Variants in EMG1 observed in about 807,000 individuals in gnomAD.
The protein encoded by EMG1 is ribosomal RNA small subunit methyltransferase NEP1.
EMG1 carries 24 observed loss-of-function variants against 26.9 expected under a neutral mutation model. That is an observed-to-expected ratio of 0.89 (90% CI 0.65 to 1.26). The LOEUF (loss-of-function observed/expected upper bound fraction) is 1.26. EMG1 is among the 50% of genes most tolerant of loss of function. EMG1 has a pLI of 0.00. For missense variants in EMG1, 299 were observed against 307.6 expected (o/e 0.97, Z 0.21); for synonymous variants, 140 against 112.6 (o/e 1.24, Z -1.54).
At position 6,987,397 on chromosome 12, in the gene EMG1, C is replaced by G. The variant is rs1946539824; in HGVS notation, c.*155-385C>G. Among the ~76,000 whole-genome samples, 1 of 152,178 alleles carries G rather than the reference C, an allele frequency of 6.6e-6. No individual in the cohort carries two copies. On this transcript the variant is annotated intron_variant and NMD_transcript_variant, in intron 6 of 7. Coordinates refer to the EMG1 transcript ENST00000261406. The surrounding 1 kb of genome is among the most constrained non-coding windows in gnomAD (Gnocchi z 4.1). The stretch of plus-strand genomic sequence containing the variant: ...ACTAGCTCTAGGGAGGTGGAGACAT[C>G]TATGACCCTTTCAGGTAGATCAATG...
chr12:6,985,089 T>TAAAAAA (rs10559240), intron 6 of EMG1, among the ~76,000 whole-genome samples: 1 of 112,640 alleles, frequency 8.9e-6, no homozygotes, highest in African/African-American at 3.5e-5. Context: ...CCCCATACAT[T>TAAAAAA]AAAAAAAAAA....
In EMG1 at chr12:6,977,092, C is replaced by G. The variant is rs1555153299; in HGVS notation, c.*1283C>G. 2 of 1,228,950 alleles carry G rather than the reference C, an allele frequency of 1.6e-6. No individual in the cohort carries two copies. The highest frequency in any genetic ancestry group is 3.0e-5 in the African/African-American group (2 of 67,242). 76.1% of individuals were successfully genotyped at this position (1,228,950 alleles called of 1,614,324 possible). The stretch of plus-strand genomic sequence containing the variant: ...TTTTTTTCCAGTCTGTTGCTCTATT[C>G]TGTAACCTGGTGGTAGTTTTAGTTT... On this transcript the variant is annotated 3_prime_UTR_variant, in exon 6 of 6. Transcript: ENST00000599672. The surrounding 1 kb of genome is among the most constrained non-coding windows in gnomAD (Gnocchi z 4.5).
At chr12:6,983,605 G>T, downstream of EMG1, 1 of 1,015,254 alleles carries the variant, frequency 9.8e-7, no homozygotes, top group Non-Finnish European at 1.5e-6. Context: ...TGGTTTGGAA[G>T]TTTATCTGGC....
chr12:6,979,516 G>A lies in EMG1; in HGVS notation c.*3707G>A. On this transcript the variant is annotated 3_prime_UTR_variant, in exon 6 of 6. Transcript: ENST00000599672. Reference sequence around the variant, plus strand: ...GATAGTCTTCTGTGATGTGGGGGCTGAGCAGTGTGTAGCCCACTAGGTAGA... The same window carrying A: ...GATAGTCTTCTGTGATGTGGGGGCTAAGCAGTGTGTAGCCCACTAGGTAGA... 1 of 1,614,116 alleles carries A rather than the reference G, an allele frequency of 6.2e-7. No homozygotes were observed. Among genetic ancestry groups the A allele is most frequent in the Non-Finnish European group, 8.5e-7 (1 of 1,179,970 alleles).
downstream of EMG1, chr12:6,981,228 C>T (rs1345648946): frequency 6.7e-7 from 1 of 1,481,670 alleles, no homozygotes; most frequent in Admixed American, 2.1e-5. Flanking sequence ...CTTGAATCTC[C>T]CCACAAGAGC....
downstream of EMG1, chr12:6,981,770 G>A (rs1287453469): frequency 6.5e-7 from 1 of 1,528,240 alleles, no homozygotes; most frequent in African/African-American, 1.4e-5. Context: ...GATGGGGGAG[G>A]GACCTACATG....
At chr12:6,975,548 C>A in intron 5 of EMG1, 148 bp from the exon 6 acceptor site, 2 of 944,570 alleles carry the variant, frequency 2.1e-6, no homozygotes, top group Non-Finnish European at 3.3e-6. Context: ...TTGGAAGTCA[C>A]AGTTAGGACC....
chr12:6,974,999 T>C lies in EMG1; in HGVS notation c.413-91T>C, dbSNP rs1319902585. On this transcript the variant is annotated intron_variant, in intron 3 of 5. Coordinates refer to ENST00000599672, the MANE Select transcript of EMG1 (RefSeq NM_006331.8). ...TCTAGATATAAAGCACACAGGGAACTCATCTTATCCATGGGGTTTTCCTTG... is the reference window on the plus strand; with the variant it reads ...TCTAGATATAAAGCACACAGGGAACCCATCTTATCCATGGGGTTTTCCTTG... 2.3e-6 allele frequency: 3 copies of C among 1,286,050 alleles called. No homozygotes were observed. The East Asian group carries it at 6.9e-5, about 30-fold the overall frequency. The allele number at this position is 1,286,050 out of a possible 1,614,324, so 79.7% of individuals were successfully genotyped here. A position where few individuals can be genotyped will look rare whatever the true frequency, so the allele number is the denominator to read the frequency against.
At chr12:6,974,508 C>A in intron 2 of EMG1, 44 bp from the exon 3 acceptor site, 2 of 1,608,856 alleles carry the variant, frequency 1.2e-6, no homozygotes, top group Non-Finnish European at 1.7e-6. Flanking sequence ...CTGAGTGCTG[C>A]CTCTCTTCAG....
downstream of EMG1, among the ~76,000 whole-genome samples, chr12:6,989,727 G>A (rs1555155233): frequency 2.0e-5 from 3 of 152,178 alleles, no homozygotes; most frequent in South Asian, 2.1e-4. Context: ...TCAGTTCCAA[G>A]TGCTGTTTGT....
chr12:6,983,113 C>A (rs1347230398), downstream of EMG1: 1 of 499,866 alleles, frequency 2.0e-6, no homozygotes, highest in African/African-American at 2.0e-5. Context: ...TTTTGAATGT[C>A]TGAAGTGAAG....
chr12:6,978,789 T>C lies in EMG1; in HGVS notation c.*2980T>C. 2 of 1,522,858 alleles carry C rather than the reference T, an allele frequency of 1.3e-6. No individual in the cohort carries two copies. The highest frequency in any genetic ancestry group is 1.8e-6 in the Non-Finnish European group (2 of 1,129,332). 94.3% of individuals were successfully genotyped at this position (1,522,858 alleles called of 1,614,324 possible). On this transcript the variant is annotated 3_prime_UTR_variant, in exon 6 of 6. Coordinates refer to ENST00000599672, the MANE Select transcript of EMG1 (RefSeq NM_006331.8). ...CACTTGTGGCTGGCTACTTCATACC[T>C]GCCTGAGTCCTGCTGCCAGATGCCC...
At position 6,979,235 on chromosome 12, in the gene EMG1, A is replaced by C. The variant is rs1429536703; in HGVS notation, c.*3426A>C. 9.1e-6 allele frequency: 5 copies of C among 550,592 alleles called. No homozygotes were observed. In the African/African-American group the frequency reaches 9.5e-5, roughly 10 times the overall value. The allele number at this position is 550,592 out of a possible 1,614,324, so 34.1% of individuals were successfully genotyped here. A position where few individuals can be genotyped will look rare whatever the true frequency, so the allele number is the denominator to read the frequency against. On this transcript the variant is annotated 3_prime_UTR_variant, in exon 6 of 6. Coordinates refer to ENST00000599672, the MANE Select transcript of EMG1 (RefSeq NM_006331.8). ...GGCAAGCTAGGAGCGGCTCCTAGAGAAGGCAACGGGTGCTAAATGTGCACC... is the reference window on the plus strand; with the variant it reads ...GGCAAGCTAGGAGCGGCTCCTAGAGCAGGCAACGGGTGCTAAATGTGCACC...
chr12:6,979,409 C>CTT lies in EMG1; in HGVS notation c.*3601_*3602dup, dbSNP rs1222706202. ...TACTTCTCTGCTATCTGTAGGGATC[C>CTT]TTGCCTGTCCATTTTCTAGCTCTGG... On this transcript the variant is annotated 3_prime_UTR_variant, in exon 6 of 6. Transcript: ENST00000599672. 1 of 1,254,364 alleles carries CTT rather than the reference C, an allele frequency of 8.0e-7. No individual in the cohort carries two copies. The highest frequency in any genetic ancestry group is 2.3e-5 in the East Asian group (1 of 43,116). The allele number at this position is 1,254,364 out of a possible 1,614,324, so 77.7% of individuals were successfully genotyped here.
At chr12:6,973,606 A>C (rs370139577) in intron 1 of EMG1, among the ~76,000 whole-genome samples, 25 of 152,026 alleles carry the variant, frequency 1.6e-4, no homozygotes, top group African/African-American at 5.6e-4. Context: ...CCCGGGCTGG[A>C]GTGCAGTGGC....
At chr12:6,996,700 G>A (rs1946638313) in intron 7 of EMG1, among the ~76,000 whole-genome samples, 2 of 152,186 alleles carry the variant, frequency 1.3e-5, no homozygotes, top group Non-Finnish European at 2.9e-5. Context: ...AATTTTAAGA[G>A]GTGCTTTCTA....
downstream of EMG1, chr12:6,982,966 ATTTTATTTCTTTTCTTT>A: frequency 1.5e-6 from 1 of 669,800 alleles, no homozygotes; most frequent in Non-Finnish European, 2.7e-6. Context: ...TTAGGGTGTT[ATTTTATTTCTTTTCTTT>A]TTTTGTTTGT....
intron 6 of EMG1, among the ~76,000 whole-genome samples, chr12:6,985,461 CA>C (rs1946514226): frequency 6.6e-6 from 1 of 151,888 alleles, no homozygotes. Context: ...GCCTGTAAAC[CA>C]AGGCACTTTG....
chr12:6,997,059 A>G (rs1324816660), intron 7 of EMG1, among the ~76,000 whole-genome samples: 1 of 152,224 alleles, frequency 6.6e-6, no homozygotes, highest in African/African-American at 2.4e-5. Context: ...AGGACAAATT[A>G]AAGATGTTTA....
Sources: gnomAD v4.1 joint callset for allele counts (sites outside exome capture counted in the v4.1 genomes callset) on GRCh38, gnomAD v4.1.1 for gene constraint, Gnocchi (gnomAD v3.1) non-coding constraint, MANE v1.5 for transcripts, NCBI Gene and HGNC (gene_info 2026-07-23, HGNC 2026-07-21) for gene names.